The following ADGRL2 variants were observed in gnomAD, a reference collection of about 807,000 sequenced individuals.
The protein encoded by ADGRL2 is adhesion G protein-coupled receptor L2.
A neutral mutation model predicts 157.4 loss-of-function variants in ADGRL2; 44 were observed. The observed-to-expected ratio is 0.28, with a 90% CI of 0.22 to 0.36. The LOEUF (loss-of-function observed/expected upper bound fraction) is 0.36. ADGRL2 is among the 10% of genes least tolerant of loss of function. The pLI is 1.00. For missense variants in ADGRL2, 1,510 were observed against 1,768.9 expected, an observed-to-expected ratio of 0.85 and a Z score of 2.63; for synonymous variants, 585 against 624.7, an observed-to-expected ratio of 0.94 and a Z score of 0.95.
chr1:81,696,635 C>G (rs1008462847), upstream of ADGRL2, among the ~76,000 whole-genome samples: 2 of 152,064 alleles, frequency 1.3e-5, no homozygotes, highest in Non-Finnish European at 2.9e-5. Context: ...GCCTGTAGTC[C>G]CAGCTACTCG....
At chr1:81,974,489 A>G (rs1484284237) in intron 17 of ADGRL2, among the ~76,000 whole-genome samples, 1 of 152,144 alleles carries the variant, frequency 6.6e-6, no homozygotes, top group East Asian at 1.9e-4. Flanking sequence ...AGGGAGAAAT[A>G]GGTTTCTGCT....
intron 1 of ADGRL2, among the ~76,000 whole-genome samples, chr1:81,726,296 C>T (rs1053303145): frequency 1.3e-5 from 2 of 152,092 alleles, no homozygotes; most frequent in African/African-American, 4.8e-5. Context: ...TGGACTCATC[C>T]CTGCGGCCAG....
intron 1 of ADGRL2, among the ~76,000 whole-genome samples, chr1:81,318,905 T>C (rs1660292244): frequency 6.6e-6 from 1 of 150,612 alleles, no homozygotes; most frequent in Admixed American, 6.6e-5. Context: ...AATAGTCATT[T>C]TATCCTCCAT....
At chr1:81,490,383 TG>T (rs1266395787) in intron 2 of ADGRL2, among the ~76,000 whole-genome samples, 1 of 152,136 alleles carries the variant, frequency 6.6e-6, no homozygotes, top group Non-Finnish European at 1.5e-5. Context: ...CCACCGGCCC[TG>T]GCCTCCCAAA....
At chr1:81,971,794 T>C in intron 16 of ADGRL2, 58 bp from the exon 17 acceptor site, 1 of 886,214 alleles carries the variant, frequency 1.1e-6, no homozygotes, top group Non-Finnish European at 1.9e-6. Flanking sequence ...CCTATTTTCC[T>C]TGTGATGTTG....
chr1:81,921,291 T>TA (rs1182176011), intron 3 of ADGRL2, among the ~76,000 whole-genome samples: 6 of 152,106 alleles, frequency 3.9e-5, no homozygotes, highest in Non-Finnish European at 7.3e-5. Flanking sequence ...TTTTTGCAAA[T>TA]AAAAAAATTC....
intron 2 of ADGRL2, among the ~76,000 whole-genome samples, chr1:81,453,543 T>C (rs2077741846): frequency 6.6e-6 from 1 of 152,100 alleles, no homozygotes; most frequent in South Asian, 2.1e-4. Context: ...TTTATGACTT[T>C]TGCACCACCC....
At chr1:81,833,901 G>T (rs2092116647) in intron 1 of ADGRL2, among the ~76,000 whole-genome samples, 1 of 152,118 alleles carries the variant, frequency 6.6e-6, no homozygotes, top group Non-Finnish European at 1.5e-5. Flanking sequence ...AGGGTAATAG[G>T]ATACTTAGAT....
chr1:81,651,504 C>T (rs917522799), intron 3 of ADGRL2, among the ~76,000 whole-genome samples: 1 of 152,016 alleles, frequency 6.6e-6, no homozygotes, highest in African/African-American at 2.4e-5. Context: ...CACAAAACAA[C>T]CAAATTAAAA....
intron 2 of ADGRL2, among the ~76,000 whole-genome samples, chr1:81,521,917 G>C (rs551007803): frequency 2.6e-4 from 39 of 151,546 alleles, no homozygotes; most frequent in Middle Eastern, 3.4e-3. Context: ...AGAAGATATC[G>C]TCATTGGCAT....
intron 2 of ADGRL2, chr1:81,557,364 TG>T: frequency 5.6e-6 from 1 of 178,612 alleles, no homozygotes. Context: ...CAATATTTTT[TG>T]TAAGAAAAAG....
At chr1:81,923,650 T>C (rs971788245) in intron 3 of ADGRL2, among the ~76,000 whole-genome samples, 1 of 152,142 alleles carries the variant, frequency 6.6e-6, no homozygotes, top group South Asian at 2.1e-4. Flanking sequence ...CCTGAAGACA[T>C]TTTGAATTGT....
chr1:81,868,400 C>T (rs1406444306), intron 2 of ADGRL2, among the ~76,000 whole-genome samples: 1 of 152,082 alleles, frequency 6.6e-6, no homozygotes, highest in Non-Finnish European at 1.5e-5. Context: ...TAAATTGGAT[C>T]ACTTTTCCTA....
Position 81,971,073 on chromosome 1 carries a change from G to C in ADGRL2, c.2954+539G>C, listed in dbSNP as rs550751968. Among the ~76,000 whole-genome samples, 136 of 152,260 alleles carry C rather than the reference G, an allele frequency of 8.9e-4. 1 individual carries two copies. Among genetic ancestry groups the C allele is most frequent in the Admixed American group, 2.1e-3 (32 of 15,294 alleles). Reference sequence around the variant, plus strand: ...TATTTACAGAAAGTGACAGAAGGTAGACATAGTCATGTTTCTAAGGATTTT... The same window carrying C: ...TATTTACAGAAAGTGACAGAAGGTACACATAGTCATGTTTCTAAGGATTTT... On this transcript the variant is annotated intron_variant, in intron 16 of 23. Transcript: ENST00000686636.
intron 2 of ADGRL2, among the ~76,000 whole-genome samples, chr1:81,887,228 G>C (rs2094147399): frequency 6.6e-6 from 1 of 152,208 alleles, no homozygotes; most frequent in South Asian, 2.1e-4. Context: ...TATTGAGAAT[G>C]TGCAGAACAG....
chr1:81,704,509 T>C (rs1364776585), intron 1 of ADGRL2, among the ~76,000 whole-genome samples: 1 of 152,112 alleles, frequency 6.6e-6, no homozygotes, highest in East Asian at 1.9e-4. Context: ...AAGGACCAGA[T>C]AGTAATCAGT....
chr1:81,762,939 C>T (rs1389275825), intron 2 of ADGRL2, among the ~76,000 whole-genome samples: 1 of 150,764 alleles, frequency 6.6e-6, no homozygotes, highest in Non-Finnish European at 1.5e-5. Context: ...GTAGTCCCAG[C>T]TGCTCAGGAG....
chr1:81,527,838 C>G (rs573670579), intron 2 of ADGRL2, among the ~76,000 whole-genome samples: 1 of 152,050 alleles, frequency 6.6e-6, no homozygotes, highest in Non-Finnish European at 1.5e-5. Flanking sequence ...GAGGCTGAGG[C>G]GGGTGGATCA....
At chr1:81,499,800 G>A (rs529760311) in intron 2 of ADGRL2, among the ~76,000 whole-genome samples, 4 of 152,218 alleles carry the variant, frequency 2.6e-5, no homozygotes, top group South Asian at 2.1e-4. Context: ...TCAGATAGTC[G>A]TTTTATATTC....
Sources: allele counts gnomAD v4.1 joint callset (sites outside exome capture counted in the v4.1 genomes callset), GRCh38; gene constraint gnomAD v4.1.1; transcripts MANE v1.5; gene names NCBI Gene and HGNC (gene_info 2026-07-23, HGNC 2026-07-21).